The following OVCH1 variants were observed in gnomAD, a reference collection of about 807,000 sequenced individuals.
OVCH1 encodes the protein ovochymase 1, also known as ovochymase-1.
Under a neutral mutation model 138.4 loss-of-function variants are expected in OVCH1, and 139 were observed. The ratio of observed to expected loss-of-function variants is 1.00; its 90% CI spans 0.87 to 1.16. OVCH1 has a LOEUF of 1.16. Ranked by LOEUF, OVCH1 falls within the 50% of genes most tolerant of loss-of-function variation. OVCH1 has a pLI of 0.00. For missense variants in OVCH1, 1,367 were observed against 1,357.9 expected, an observed-to-expected ratio of 1.01 and a Z score of -0.11; for synonymous variants, 453 against 467.8, an observed-to-expected ratio of 0.97 and a Z score of 0.41.
intron 20 of OVCH1, 116 bp downstream of exon 20, chr12:29,455,133 A>G: frequency 1.5e-6 from 2 of 1,305,670 alleles, no homozygotes; most frequent in Non-Finnish European, 2.1e-6. Flanking sequence ...TTAGTAACTA[A>G]ATGAAATTCT....
At chr12:29,473,159 C>A (rs552159416) in intron 14 of OVCH1, 56 bp from the exon 15 acceptor site, 2 of 1,252,904 alleles carry the variant, frequency 1.6e-6, no homozygotes, top group Admixed American at 2.0e-5. Flanking sequence ...ACTAACTGAC[C>A]CCACTTGCTT....
At chr12:29,434,957 C>T (rs1370074874) in intron 26 of OVCH1, among the ~76,000 whole-genome samples, 1 of 152,184 alleles carries the variant, frequency 6.6e-6, no homozygotes, top group East Asian at 1.9e-4. Context: ...AACTTAGGTA[C>T]ATCTTTTAAA....
chr12:29,427,484 A>G, downstream of OVCH1: 2 of 1,522,512 alleles, frequency 1.3e-6, no homozygotes, highest in Non-Finnish European at 8.8e-7. Flanking sequence ...TAGCATTTGA[A>G]TGATTGAGGA....
the OVCH1 span, among the ~76,000 whole-genome samples, chr12:29,405,020 T>C: frequency 4.9e-5 from 1 of 20,496 alleles, no homozygotes; most frequent in African/African-American, 2.4e-4. Flanking sequence ...ACACTCCACC[T>C]CAAAAAAAAA....
intron 5 of OVCH1, 146 bp from the exon 6 acceptor site, chr12:29,489,917 A>AG: frequency 1.1e-6 from 1 of 929,086 alleles, no homozygotes; most frequent in Admixed American, 3.0e-5. Context: ...ATTCACTTCT[A>AG]AAAATCAGAT....
intron 14 of OVCH1, among the ~76,000 whole-genome samples, chr12:29,474,502 T>C (rs966348399): frequency 6.6e-5 from 10 of 152,236 alleles, no homozygotes; most frequent in African/African-American, 2.4e-4. Context: ...CTAGCTATCC[T>C]ATCACTCTGG....
At chr12:29,444,574 ATTC>A (rs1267849545) in intron 23 of OVCH1, among the ~76,000 whole-genome samples, 1 of 152,066 alleles carries the variant, frequency 6.6e-6, no homozygotes, top group African/African-American at 2.4e-5. Flanking sequence ...TGAAAGCAGT[ATTC>A]TTAATATATT....
At chr12:29,469,884 C>A (rs976635173) in intron 16 of OVCH1, among the ~76,000 whole-genome samples, 4 of 152,026 alleles carry the variant, frequency 2.6e-5, no homozygotes, top group African/African-American at 7.2e-5. Context: ...AAGATGGGGT[C>A]AGGGAGGCAG....
At chr12:29,474,343 C>T (rs190368582) in intron 14 of OVCH1, among the ~76,000 whole-genome samples, 2 of 152,212 alleles carry the variant, frequency 1.3e-5, no homozygotes, top group Non-Finnish European at 2.9e-5. Context: ...TCTTTGGGAA[C>T]GTTACTTAAC....
chr12:29,479,024 A>G, intron 8 of OVCH1, 56 bp from the exon 10 acceptor site: 1 of 579,374 alleles, frequency 1.7e-6, no homozygotes. Context: ...GATTTGCTAA[A>G]TAAAATCTAA....
chr12:29,495,583 T>C (rs1943393286), intron 3 of OVCH1, 126 bp from the exon 4 acceptor site: 1 of 851,590 alleles, frequency 1.2e-6, no homozygotes, highest in Admixed American at 3.2e-5. Context: ...AAGAAGGTTT[T>C]CCTTATTATT....
chr12:29,443,118 C>G (rs939053125), intron 25 of OVCH1, among the ~76,000 whole-genome samples: 1 of 151,982 alleles, frequency 6.6e-6, no homozygotes, highest in African/African-American at 2.4e-5. Flanking sequence ...TATTTCTGAG[C>G]AATTTTAATC....
At chr12:29,417,627 T>C (rs2135880009) in intron 3 of OVCH1, among the ~76,000 whole-genome samples, 1 of 152,190 alleles carries the variant, frequency 6.6e-6, no homozygotes, top group South Asian at 2.1e-4. Context: ...TGCATGTAAA[T>C]CTAAAATTAT....
chr12:29,437,220 A>C (rs1448453600), intron 26 of OVCH1, among the ~76,000 whole-genome samples: 10 of 152,208 alleles, frequency 6.6e-5, no homozygotes, highest in Admixed American at 5.9e-4. Flanking sequence ...AGCTAGACAG[A>C]AAAGTTCTCC....
intron 22 of OVCH1, among the ~76,000 whole-genome samples, chr12:29,446,829 T>A (rs79912420): frequency 1.3e-4 from 20 of 152,174 alleles, no homozygotes; most frequent in Admixed American, 8.5e-4. Context: ...GTTTTTTTTT[T>A]ATTAAAGATT....
chr12:29,435,760 C>T (rs536812284), intron 26 of OVCH1, among the ~76,000 whole-genome samples: 21 of 152,270 alleles, frequency 1.4e-4, no homozygotes, highest in Admixed American at 7.8e-4. Flanking sequence ...TCATCTGGTT[C>T]CCTTTCTTGT....
At chr12:29,476,104 C>T (rs776425791) in intron 13 of OVCH1, 102 bp downstream of exon 13, 5 of 915,598 alleles carry the variant, frequency 5.5e-6, no homozygotes, top group Non-Finnish European at 8.9e-6. Context: ...GCAAGAAATT[C>T]ACATTCCCAC....
At chr12:29,451,166 C>CATA (rs201837372) in intron 22 of OVCH1, among the ~76,000 whole-genome samples, 179 bp downstream of exon 22, 5,662 of 150,084 alleles carry the variant, frequency 0.038, 274 homozygotes, top group African/African-American at 0.11. Flanking sequence ...AAAGTATAAT[C>CATA]ATAATAATAA....
At chr12:29,467,752 C>T (rs779264191) in intron 16 of OVCH1, among the ~76,000 whole-genome samples, 100 of 152,156 alleles carry the variant, frequency 6.6e-4, no homozygotes, top group Middle Eastern at 3.4e-3. Context: ...ATGAGAACAC[C>T]AGATTTTCCT....
Sources: allele counts gnomAD v4.1 joint callset (sites outside exome capture counted in the v4.1 genomes callset), GRCh38; gene constraint gnomAD v4.1.1; transcripts MANE v1.5; gene names NCBI Gene and HGNC (gene_info 2026-07-23, HGNC 2026-07-21).